The following TTC27 variants were observed in gnomAD, a reference collection of about 807,000 sequenced individuals.
TTC27 encodes tetratricopeptide repeat protein 27.
In TTC27, 79 loss-of-function variants were observed where a neutral mutation model predicts 115.9. That is an observed-to-expected ratio of 0.68 (90% CI 0.57 to 0.82). TTC27 has a LOEUF of 0.82. Among genes scored for constraint, TTC27 ranks in the 40% least tolerant of loss-of-function variants. TTC27 has a pLI of 0.00. For synonymous variants in TTC27, 401 were observed against 356.0 expected (o/e 1.13, Z -1.42); for missense variants, 1,054 against 993.1 (o/e 1.06, Z -0.82).
rs773036621 is a variant in TTC27, at chr2:32,758,419, C to G, written c.1580C>G (p.Ala527Gly). 6.2e-7 allele frequency: 1 copy of G among 1,614,214 alleles called. No individual in the cohort carries two copies. The highest frequency in any genetic ancestry group is 8.5e-7 in the Non-Finnish European group (1 of 1,180,048). Residue 527 changes from alanine (A) to glycine (G), a missense_variant, in exon 13 of 20, where the codon GCT becomes GGT. By Grantham distance (60) the Ala-to-Gly change is moderately conservative. Coordinates refer to ENST00000317907, the MANE Select transcript of TTC27 (RefSeq NM_017735.5). ...KAWELSRYRS[A>G]RAQRSKALLH... ...TGGGAGTTGTCCCGGTACCGCAGTG[C>G]TCGTGCTCAGCGCTCCAAAGCCCTC...
chr2:32,760,235 G>A (rs1166928316), intron 13 of TTC27, among the ~76,000 whole-genome samples: 2 of 152,202 alleles, frequency 1.3e-5, no homozygotes, highest in South Asian at 4.1e-4. Flanking sequence ...AAGAGAGTAG[G>A]ACAGGTGTAA....
intron 13 of TTC27, among the ~76,000 whole-genome samples, chr2:32,768,933 G>A (rs889315580): frequency 1.3e-5 from 2 of 152,186 alleles, no homozygotes; most frequent in East Asian, 1.9e-4. Context: ...TGCCAGCAAG[G>A]TGATGTGGTT....
intron 9 of TTC27, among the ~76,000 whole-genome samples, chr2:32,687,714 G>T (rs1489880478): frequency 6.6e-6 from 1 of 152,072 alleles, no homozygotes; most frequent in African/African-American, 2.4e-5. Flanking sequence ...AGACAGAGAG[G>T]ACAACTTTAT....
chr2:32,739,628 C>T (rs189217778), intron 12 of TTC27, among the ~76,000 whole-genome samples: 295 of 152,126 alleles, frequency 1.9e-3, no homozygotes, highest in Non-Finnish European at 3.4e-3. Context: ...GAGTTTTAGC[C>T]AAACAGCCCC....
chr2:32,795,334 A>AG (rs1332404173), intron 16 of TTC27, among the ~76,000 whole-genome samples: 4 of 151,852 alleles, frequency 2.6e-5, no homozygotes, highest in Non-Finnish European at 5.9e-5. Flanking sequence ...TAACAGAATG[A>AG]GGGGAAAAAA....
intron 10 of TTC27, among the ~76,000 whole-genome samples, chr2:32,707,591 A>G (rs1342362303): frequency 6.6e-6 from 1 of 152,132 alleles, no homozygotes; most frequent in Admixed American, 6.6e-5. Context: ...CCTAATTAAT[A>G]TTCCCTTATT....
intron 10 of TTC27, among the ~76,000 whole-genome samples, chr2:32,732,237 A>C (rs748435495): frequency 2.6e-4 from 40 of 152,180 alleles, no homozygotes; most frequent in Non-Finnish European, 4.3e-4. Context: ...GCAGCATGCA[A>C]TCTTTTTGCT....
intron 3 of TTC27, among the ~76,000 whole-genome samples, chr2:32,634,666 A>T (rs888182418): frequency 6.6e-6 from 1 of 150,698 alleles, no homozygotes; most frequent in African/African-American, 2.4e-5. Context: ...TAATTAATTA[A>T]TTTTTTTTGA....
At chr2:32,652,551 A>G (rs897491105) in intron 5 of TTC27, among the ~76,000 whole-genome samples, 13 of 152,218 alleles carry the variant, frequency 8.5e-5, no homozygotes, top group African/African-American at 2.9e-4. Flanking sequence ...TCTTTTCTAT[A>G]TTATATTTCA....
At chr2:32,818,158 C>T (rs1039185699) in intron 19 of TTC27, among the ~76,000 whole-genome samples, 3 of 151,820 alleles carry the variant, frequency 2.0e-5, no homozygotes, top group African/African-American at 4.8e-5. Flanking sequence ...TTGTCATTTT[C>T]CCCCAAAGTG....
At chr2:32,640,239 A>G (rs1300440907) in intron 3 of TTC27, 31 bp from the exon 4 acceptor site, 1 of 1,587,132 alleles carries the variant, frequency 6.3e-7, no homozygotes, top group Non-Finnish European at 8.6e-7. Context: ...TTGTTAAATT[A>G]TATCATCTTA....
chr2:32,707,030 G>T (rs887711164), intron 10 of TTC27, among the ~76,000 whole-genome samples: 2 of 152,194 alleles, frequency 1.3e-5, no homozygotes, highest in Non-Finnish European at 1.5e-5. Flanking sequence ...AATGTGTGCT[G>T]TCCTGGCACT....
At chr2:32,755,085 C>A (rs1032836612) in intron 12 of TTC27, among the ~76,000 whole-genome samples, 2 of 152,012 alleles carry the variant, frequency 1.3e-5, no homozygotes, top group South Asian at 4.2e-4. Flanking sequence ...AGAGACGCTC[C>A]TCACTTCCTA....
intron 8 of TTC27, among the ~76,000 whole-genome samples, chr2:32,673,939 C>T (rs1177676857): frequency 1.3e-5 from 2 of 152,030 alleles, no homozygotes; most frequent in Admixed American, 1.3e-4. Context: ...GAGCTGAGAT[C>T]ACGCCACTGC....
intron 13 of TTC27, among the ~76,000 whole-genome samples, chr2:32,770,631 T>C (rs759679716): frequency 3.6e-4 from 55 of 152,210 alleles, no homozygotes; most frequent in Non-Finnish European, 6.9e-4. Context: ...TGACTCTCTT[T>C]GAGACCAGGG....
chr2:32,779,899 C>G (rs1670117576), intron 14 of TTC27, among the ~76,000 whole-genome samples: 1 of 152,142 alleles, frequency 6.6e-6, no homozygotes, highest in Non-Finnish European at 1.5e-5. Flanking sequence ...GTTGAAAAGA[C>G]TATTCTTTTC....
intron 1 of TTC27, among the ~76,000 whole-genome samples, chr2:32,629,654 T>A (rs2063544197): frequency 6.7e-6 from 1 of 148,156 alleles, no homozygotes; most frequent in South Asian, 2.1e-4. Flanking sequence ...TTAGCCAGGA[T>A]GGTCTCGATC....
intron 9 of TTC27, among the ~76,000 whole-genome samples, chr2:32,694,679 T>TC (rs1666924329): frequency 6.6e-6 from 1 of 151,392 alleles, no homozygotes; most frequent in South Asian, 2.1e-4. Flanking sequence ...TATTTCTTTT[T>TC]TTTTTTTTTT....
intron 10 of TTC27, among the ~76,000 whole-genome samples, chr2:32,727,412 G>A (rs1668148682): frequency 6.6e-6 from 1 of 152,128 alleles, no homozygotes; most frequent in African/African-American, 2.4e-5. Flanking sequence ...TTATAACAGA[G>A]TATTTAATGT....
Sources: allele counts gnomAD v4.1 joint callset (sites outside exome capture counted in the v4.1 genomes callset), GRCh38; gene constraint gnomAD v4.1.1; transcripts MANE v1.5; gene names NCBI Gene and HGNC (gene_info 2026-07-23, HGNC 2026-07-21).